ARHGEF12: variants seen among roughly 807,000 people sequenced by gnomAD.
The protein encoded by ARHGEF12 is Rho guanine nucleotide exchange factor 12, also known as KMT2A/ARHGEF12 fusion protein.
A neutral mutation model predicts 211.2 loss-of-function variants in ARHGEF12; 66 were observed. The observed-to-expected ratio is 0.31, with a 90% confidence interval of 0.26 to 0.38. The LOEUF is 0.38. ARHGEF12 is among the 10% of genes least tolerant of loss of function. ARHGEF12 has a pLI of 1.00. For missense variants in ARHGEF12, 1,429 were observed against 1,869.5 expected, an observed-to-expected ratio of 0.76 and a Z score of 4.34; for synonymous variants, 592 against 638.4, an observed-to-expected ratio of 0.93 and a Z score of 1.09.
At chr11:120,421,426 C>CTTTTTTTTTTT (rs1945181934) in intron 5 of ARHGEF12, among the ~76,000 whole-genome samples, 1 of 136,916 alleles carries the variant, frequency 7.3e-6, no homozygotes, top group South Asian at 2.7e-4. Context: ...ACTTTACAGC[C>CTTTTTTTTTTT]TTGTTTTTTT....
chr11:120,465,051 A>C (rs1946657892), intron 27 of ARHGEF12, 186 bp from the exon 28 acceptor site: 2 of 682,302 alleles, frequency 2.9e-6, no homozygotes, highest in Admixed American at 5.8e-5. Flanking sequence ...ATATGATCAG[A>C]AAAGGTCTGG....
Position 120,479,962 on chromosome 11 carries a change from G to T in ARHGEF12, c.3769G>T (p.Gly1257Cys). ...CCCCTCCTTCCTAAATCGTTTAGTG[G>T]GTTTGTTGAAGCAGTTGCTGGTGCA... ...RWALDALRNLGLLKQLLVQQL... is the reference protein window; with the variant it reads ...RWALDALRNLCLLKQLLVQQL... The change falls in exon 38 of 41, where the codon GGT (glycine) becomes TGT (cysteine). Residue 1257 changes from glycine (G) to cysteine (C), a missense_variant and splice_region_variant. Physicochemically the swap from Gly to Cys is radical, Grantham distance 159 (BLOSUM62 -3). Coordinates refer to ENST00000397843, the MANE Select transcript of ARHGEF12 (RefSeq NM_015313.3). 6.2e-7 allele frequency: 1 copy of T among 1,610,368 alleles called. No homozygotes were observed. Among genetic ancestry groups the T allele is most frequent in the South Asian group, 1.1e-5 (1 of 90,844 alleles).
rs1944754376 is a variant in ARHGEF12, at chr11:120,407,772, G to C, written c.91G>C (p.Asp31His). The C allele has an allele frequency of 6.2e-7, 1 of 1,613,536 alleles. No homozygotes were observed. Among genetic ancestry groups the C allele is most frequent in the Non-Finnish European group, 8.5e-7 (1 of 1,179,752 alleles). Reference sequence around the variant, plus strand: ...TATTTTGAACCGAGAGTCACCAACAGATAAGAAGCAGAAAGTTGAGCGCAT... The same window carrying C: ...TATTTTGAACCGAGAGTCACCAACACATAAGAAGCAGAAAGTTGAGCGCAT... ...GSILNRESPT[D>H]KKQKVERIAS... Residue 31 changes from aspartate (D) to histidine (H), a missense_variant, in exon 3 of 41, where the codon GAT becomes CAT. Transcript: ENST00000397843.
At chr11:120,377,716 C>A (rs1943767718) in intron 1 of ARHGEF12, among the ~76,000 whole-genome samples, 2 of 152,086 alleles carry the variant, frequency 1.3e-5, no homozygotes, top group South Asian at 4.1e-4. Context: ...CTTTTTCTTA[C>A]CATAATAGTA....
chr11:120,438,186 T>C (rs1945751892), intron 12 of ARHGEF12, among the ~76,000 whole-genome samples: 1 of 152,262 alleles, frequency 6.6e-6, no homozygotes, highest in African/African-American at 2.4e-5. Flanking sequence ...ATCTTTTTAT[T>C]GTTAGCAACA....
intron 34 of ARHGEF12, 127 bp downstream of exon 34, chr11:120,476,875 G>A: frequency 1.4e-6 from 1 of 692,704 alleles, no homozygotes; most frequent in Non-Finnish European, 2.4e-6. Flanking sequence ...CTCTTTTAGA[G>A]ACGTTCTACT....
At chr11:120,356,771 A>G (rs1304567373) in intron 1 of ARHGEF12, among the ~76,000 whole-genome samples, 3 of 151,788 alleles carry the variant, frequency 2.0e-5, no homozygotes, top group Non-Finnish European at 4.4e-5. Context: ...GACCTTTCCC[A>G]CCCTTTATAT....
intron 1 of ARHGEF12, among the ~76,000 whole-genome samples, chr11:120,370,449 T>G (rs1302536917): frequency 2.0e-5 from 3 of 152,210 alleles, no homozygotes; most frequent in Non-Finnish European, 2.9e-5. Context: ...TCATCGCTAT[T>G]CTTAGCTTTT....
intron 6 of ARHGEF12, among the ~76,000 whole-genome samples, chr11:120,423,366 A>G (rs1187221603): frequency 6.6e-6 from 1 of 152,138 alleles, no homozygotes; most frequent in Non-Finnish European, 1.5e-5. Context: ...CCTTTAAGAA[A>G]GTATATAACA....
At chr11:120,482,675 G>A (rs2136018112) in intron 39 of ARHGEF12, among the ~76,000 whole-genome samples, 1 of 151,972 alleles carries the variant, frequency 6.6e-6, no homozygotes, top group Admixed American at 6.5e-5. Flanking sequence ...AACCTGGGAG[G>A]CGGAGCTTGC....
chr11:120,340,305 GTC>G (rs914410583), intron 1 of ARHGEF12, among the ~76,000 whole-genome samples: 5 of 152,178 alleles, frequency 3.3e-5, no homozygotes, highest in African/African-American at 1.2e-4. Context: ...TCAGGCCAGT[GTC>G]TATAACATTG....
chr11:120,472,639 A>G (rs1946901652), intron 30 of ARHGEF12, among the ~76,000 whole-genome samples: 1 of 152,036 alleles, frequency 6.6e-6, no homozygotes. Context: ...CTAGCATTGC[A>G]AAGAGCTCAG....
intron 32 of ARHGEF12, 88 bp from the exon 33 acceptor site, chr11:120,475,251 AT>A: frequency 8.1e-7 from 1 of 1,238,912 alleles, no homozygotes; most frequent in Non-Finnish European, 1.1e-6. Flanking sequence ...TTTAACAGAA[AT>A]AGAATTCCTC....
At chr11:120,358,634 T>G (rs1287518831) in intron 1 of ARHGEF12, among the ~76,000 whole-genome samples, 2 of 152,168 alleles carry the variant, frequency 1.3e-5, no homozygotes, top group African/African-American at 4.8e-5. Flanking sequence ...TAATTGAAAT[T>G]AAATAAAATT....
rs1326737045 is a variant in ARHGEF12 at position 120,446,507 on chromosome 11, C to T, written c.1450C>T (p.Arg484Trp). Residue 484 changes from arginine (R) to tryptophan (W), a missense_variant and splice_region_variant, in exon 17 of 41, where the codon CGG becomes TGG. Transcript: ENST00000397843. ...AGTTCAAAGGCACTTAGAAGATTTT[C>T]GGTAAGCTTAGTGGTAGATAGAATT... ...PEVQRHLEDF[R>W]QKRSMGLTLA... 7 of 1,608,158 alleles carry T rather than the reference C, an allele frequency of 4.4e-6. No individual in the cohort carries two copies. Among genetic ancestry groups the T allele is most frequent in the Admixed American group, 1.7e-5 (1 of 59,458 alleles).
At chr11:120,474,212 C>T (rs1450924971) in intron 31 of ARHGEF12, among the ~76,000 whole-genome samples, 1 of 152,170 alleles carries the variant, frequency 6.6e-6, no homozygotes, top group Admixed American at 6.5e-5. Context: ...GTACCATGCT[C>T]ATCCAGTTAT....
At position 120,437,354 on chromosome 11, in the gene ARHGEF12, C is replaced by T. The variant is rs1348771490; in HGVS notation, c.971C>T (p.Pro324Leu). Residue 324 changes from proline (P) to leucine (L), a missense_variant, in exon 12 of 41, where the codon CCA becomes CTA. Coordinates refer to ENST00000397843, the MANE Select transcript of ARHGEF12 (RefSeq NM_015313.3). Reference sequence around the variant, plus strand: ...GAGAGAATTTATCTAGAGGAAAACCCAGAGAAAAGTGAAACAATTCAGGAC... The same window carrying T: ...GAGAGAATTTATCTAGAGGAAAACCTAGAGAAAAGTGAAACAATTCAGGAC... ...PKERIYLEEN[P>L]EKSETIQDTD... The T allele has an allele frequency of 1.9e-6, 3 of 1,612,746 alleles. No homozygotes were observed. The highest frequency in any genetic ancestry group is 2.5e-6 in the Non-Finnish European group (3 of 1,179,422).
chr11:120,453,562 G>C (rs1053365718), intron 22 of ARHGEF12, among the ~76,000 whole-genome samples: 1 of 151,330 alleles, frequency 6.6e-6, no homozygotes, highest in Non-Finnish European at 1.5e-5. Flanking sequence ...TACAAAAAAT[G>C]AAGAAGTCAG....
At chr11:120,357,714 C>T (rs1405242711) in intron 1 of ARHGEF12, among the ~76,000 whole-genome samples, 5 of 152,270 alleles carry the variant, frequency 3.3e-5, no homozygotes, top group South Asian at 2.1e-4. Flanking sequence ...GAATTACAAG[C>T]ACGTGCCACC....
Sources: gnomAD v4.1 joint callset for allele counts (sites outside exome capture counted in the v4.1 genomes callset) on GRCh38, gnomAD v4.1.1 for gene constraint, MANE v1.5 for transcripts, NCBI Gene and HGNC (gene_info 2026-07-23, HGNC 2026-07-21) for gene names.